TG: variants seen among roughly 807,000 people sequenced by gnomAD.
TG encodes the protein thyroid hormones.
TG carries 270 observed loss-of-function variants against 324.7 expected under a neutral mutation model. The observed-to-expected ratio is 0.83, with a 90% CI of 0.75 to 0.92. The LOEUF is 0.92. Ranked by LOEUF, TG falls within the 40% of genes least tolerant of loss-of-function variation. The pLI, the probability that TG is intolerant of heterozygous loss-of-function variation, is 0.00. For synonymous variants in TG, 1,401 were observed against 1,327.0 expected (o/e 1.06, Z -1.21); for missense variants, 3,591 against 3,456.4 (o/e 1.04, Z -0.98).
intron 5 of TG, among the ~76,000 whole-genome samples, chr8:132,875,375 C>A (rs1445030209): frequency 6.6e-6 from 1 of 152,190 alleles, no homozygotes; most frequent in Non-Finnish European, 1.5e-5. Flanking sequence ...CTTTAACTTA[C>A]CTTAATACTT....
At chr8:132,900,752 G>C (rs936550099) in intron 15 of TG, among the ~76,000 whole-genome samples, 49 of 152,144 alleles carry the variant, frequency 3.2e-4, no homozygotes, top group African/African-American at 1.0e-3. Context: ...ATCATCTTCG[G>C]GGCCGTGCTT....
chr8:132,933,363 G>A, intron 23 of TG, among the ~76,000 whole-genome samples, 198 bp from the exon 24 acceptor site: 1 of 10,486 alleles, frequency 9.5e-5, no homozygotes, highest in African/African-American at 2.8e-4. Context: ...TGTGTTTGGA[G>A]GTGTGTGTGC....
Position 132,908,182 on chromosome 8 carries a change from G to C in TG, c.3848-4G>C. On this transcript the variant is annotated splice_region_variant and splice_polypyrimidine_tract_variant and intron_variant, in intron 17 of 47. Coordinates refer to ENST00000220616, the MANE Select transcript of TG (RefSeq NM_003235.5). ...CTCTGCTGATCTCTGGTGCTTGCCT[G>C]CAGGGCCCCAGCTGTGGCAGACCAT... is the stretch of plus-strand genomic sequence containing the variant. 1.2e-6 allele frequency: 2 copies of C among 1,613,714 alleles called. No individual in the cohort carries two copies. The highest frequency in any genetic ancestry group is 2.2e-5 in the South Asian group (2 of 91,082).
chr8:133,031,450 G>A (rs896840082), intron 41 of TG, among the ~76,000 whole-genome samples: 7 of 152,176 alleles, frequency 4.6e-5, no homozygotes, highest in African/African-American at 1.7e-4. Context: ...CTTTAAGCAG[G>A]AAGGAAACGT....
At chr8:133,083,270 C>G (rs561295953) in intron 41 of TG, among the ~76,000 whole-genome samples, 7 of 152,112 alleles carry the variant, frequency 4.6e-5, no homozygotes, top group African/African-American at 1.2e-4. Flanking sequence ...TTTTTTGAAC[C>G]TGTTACTTAA....
intron 43 of TG, among the ~76,000 whole-genome samples, chr8:133,098,201 T>C (rs1848722029): frequency 6.6e-6 from 1 of 152,210 alleles, no homozygotes; most frequent in African/African-American, 2.4e-5. Context: ...TTGTAGTCTC[T>C]AAAACAGGGA....
At chr8:133,113,357 G>A (rs1850421351) in intron 43 of TG, 65 bp from the exon 44 acceptor site, 5 of 1,587,614 alleles carry the variant, frequency 3.1e-6, no homozygotes. Flanking sequence ...GCAAGGGTTT[G>A]AGGGACACTG....
chr8:132,968,664 T>A (rs1829003371), intron 31 of TG, among the ~76,000 whole-genome samples: 1 of 152,220 alleles, frequency 6.6e-6, no homozygotes, highest in African/African-American at 2.4e-5. Context: ...AAATGTGTGG[T>A]GGGAACTTGT....
intron 10 of TG, among the ~76,000 whole-genome samples, chr8:132,890,696 G>A (rs193189448): frequency 2.8e-4 from 43 of 152,280 alleles, no homozygotes; most frequent in African/African-American, 9.6e-4. Flanking sequence ...AAGGCTTGTC[G>A]GAAGAATTAC....
chr8:133,012,823 T>G (rs1834639789), intron 36 of TG, among the ~76,000 whole-genome samples: 1 of 152,246 alleles, frequency 6.6e-6, no homozygotes, highest in South Asian at 2.1e-4. Context: ...AATAGGGCTC[T>G]TAGGCTGTCA....
intron 22 of TG, among the ~76,000 whole-genome samples, chr8:132,925,371 G>C (rs1005443304): frequency 1.3e-4 from 20 of 152,136 alleles, no homozygotes; most frequent in African/African-American, 4.8e-4. Context: ...ACATATGCAT[G>C]CATAGCCTAC....
At chr8:132,938,059 G>GT (rs1438842310) in intron 25 of TG, among the ~76,000 whole-genome samples, 1 of 152,112 alleles carries the variant, frequency 6.6e-6, no homozygotes, top group Non-Finnish European at 1.5e-5. Context: ...TCCTGGCTCT[G>GT]TCTCTGATCA....
chr8:132,942,173 G>C (rs1215098029), intron 26 of TG, among the ~76,000 whole-genome samples: 1 of 152,230 alleles, frequency 6.6e-6, no homozygotes, highest in Non-Finnish European at 1.5e-5. Context: ...CTGGGTTCTA[G>C]TCACTGCTGT....
At chr8:133,079,012 A>G (rs1845333569) in intron 41 of TG, among the ~76,000 whole-genome samples, 1 of 152,184 alleles carries the variant, frequency 6.6e-6, no homozygotes, top group Non-Finnish European at 1.5e-5. Flanking sequence ...CAGGAACTTC[A>G]TGGCACTGAG....
chr8:133,042,678 CTTTTTTTTTTTTTTTTTT>C (rs58739514), intron 41 of TG, among the ~76,000 whole-genome samples: 6 of 56,732 alleles, frequency 1.1e-4, no homozygotes, highest in African/African-American at 1.4e-4. Context: ...CATTCTGTGT[CTTTTTTTTTTTTTTTTTT>C]TTTTTTTTTT....
chr8:133,087,299 C>T (rs539895325), intron 41 of TG, among the ~76,000 whole-genome samples: 3 of 152,234 alleles, frequency 2.0e-5, no homozygotes, highest in Admixed American at 6.5e-5. Context: ...AAGCTAAGGT[C>T]GCACTGATGG....
chr8:132,913,183 C>T lies in TG; in HGVS notation c.4296C>T (p.Thr1432=), dbSNP rs1420244160. Residue 1432 remains threonine, a synonymous_variant, in exon 20 of 48, where the codon ACC becomes ACT. Coordinates refer to ENST00000220616, the MANE Select transcript of TG (RefSeq NM_003235.5). ...IRFLQGDHFG[T]SPRTWFGCSE... ...TCCTCCAAGGGGACCACTTTGGCAC[C>T]TCTCCCAGGACATGGTTTGGGTGCT... The T allele has an allele frequency of 6.2e-7, 1 of 1,614,166 alleles. No homozygotes were observed. The highest frequency in any genetic ancestry group is 2.2e-5 in the East Asian group (1 of 44,868).
intron 3 of TG, among the ~76,000 whole-genome samples, chr8:132,870,588 T>C (rs1839394564): frequency 6.6e-6 from 1 of 151,904 alleles, no homozygotes; most frequent in Non-Finnish European, 1.5e-5. Flanking sequence ...CCATTTGTGT[T>C]GTTATAAAGA....
At chr8:133,040,352 G>A (rs1837985968) in intron 41 of TG, 4 of 541,878 alleles carry the variant, frequency 7.4e-6, no homozygotes, top group Admixed American at 6.4e-5. Context: ...ACTTAGCCAG[G>A]CATGGGCAGA....
Sources: gnomAD v4.1 joint callset for allele counts (sites outside exome capture counted in the v4.1 genomes callset) on GRCh38, gnomAD v4.1.1 for gene constraint, MANE v1.5 for transcripts, NCBI Gene and HGNC (gene_info 2026-07-23, HGNC 2026-07-21) for gene names.